KCNB2: variants seen among roughly 807,000 people sequenced by gnomAD.
KCNB2 encodes delayed rectifier potassium channel protein.
KCNB2 carries 15 observed loss-of-function variants against 61.5 expected under a neutral mutation model. The observed-to-expected ratio is 0.24, with a 90% confidence interval of 0.16 to 0.38. KCNB2 has a LOEUF of 0.38. Among genes scored for constraint, KCNB2 ranks in the 10% least tolerant of loss-of-function variants. The pLI, the probability that KCNB2 is intolerant of heterozygous loss-of-function variation, is 1.00. For synonymous variants in KCNB2, 457 were observed against 446.0 expected, an observed-to-expected ratio of 1.02 and a Z score of -0.31; for missense variants, 828 against 1,125.2, an observed-to-expected ratio of 0.74 and a Z score of 3.78.
intron 2 of KCNB2, among the ~76,000 whole-genome samples, chr8:72,632,428 G>A (rs1805896587): frequency 6.6e-6 from 1 of 152,174 alleles, no homozygotes; most frequent in African/African-American, 2.4e-5. Flanking sequence ...GAGTTGCAGA[G>A]TTGCAGAGTT....
chr8:72,543,640 A>T (rs1806221634), intron 1 of KCNB2, among the ~76,000 whole-genome samples: 1 of 152,230 alleles, frequency 6.6e-6, no homozygotes, highest in Non-Finnish European at 1.5e-5. Context: ...GTGTAAAAAC[A>T]TGCTATGAAC....
At chr8:72,711,563 A>G (rs1807327060) in intron 2 of KCNB2, among the ~76,000 whole-genome samples, 1 of 152,184 alleles carries the variant, frequency 6.6e-6, no homozygotes. Context: ...TAGAGAACAT[A>G]ATATTATATT....
intron 2 of KCNB2, among the ~76,000 whole-genome samples, chr8:72,725,539 ATGTG>A (rs1163544582): frequency 0.27 from 10,001 of 37,304 alleles, 973 homozygotes; most frequent in African/African-American, 0.4. Flanking sequence ...ATATATATAT[ATGTG>A]TGTATATATA....
intron 2 of KCNB2, among the ~76,000 whole-genome samples, chr8:72,690,782 C>A (rs1806928034): frequency 6.6e-6 from 1 of 152,118 alleles, no homozygotes; most frequent in Non-Finnish European, 1.5e-5. Flanking sequence ...ATGAGGGAAG[C>A]ATGTAGAACT....
At chr8:72,702,586 C>G (rs1165884001) in intron 2 of KCNB2, among the ~76,000 whole-genome samples, 1 of 152,118 alleles carries the variant, frequency 6.6e-6, no homozygotes, top group Non-Finnish European at 1.5e-5. Flanking sequence ...CTGACCTTAT[C>G]AGACCCAAAC....
intron 2 of KCNB2, among the ~76,000 whole-genome samples, chr8:72,838,211 C>T (rs548736671): frequency 6.6e-6 from 1 of 152,194 alleles, no homozygotes; most frequent in African/African-American, 2.4e-5. Context: ...GTTTGCTGCA[C>T]CCATCAACTC....
At chr8:72,664,243 G>A (rs2962307) in intron 2 of KCNB2, among the ~76,000 whole-genome samples, 17,773 of 152,206 alleles carry the variant, frequency 0.12, 1,575 homozygotes, top group East Asian at 0.51. Context: ...GGTGAGGTCC[G>A]CACTGGTACT....
At chr8:72,722,165 G>A (rs1264031102) in intron 2 of KCNB2, among the ~76,000 whole-genome samples, 1 of 152,088 alleles carries the variant, frequency 6.6e-6, no homozygotes, top group Non-Finnish European at 1.5e-5. Context: ...CATCATCTGT[G>A]CAGGCTATCC....
chr8:72,859,011 G>C (rs1407709507), intron 2 of KCNB2, among the ~76,000 whole-genome samples: 1 of 152,212 alleles, frequency 6.6e-6, no homozygotes, highest in Non-Finnish European at 1.5e-5. Flanking sequence ...CAAATTCTAA[G>C]ATGATTGCTC....
At chr8:72,716,243 A>G (rs375522267) in intron 2 of KCNB2, among the ~76,000 whole-genome samples, 4 of 152,094 alleles carry the variant, frequency 2.6e-5, no homozygotes, top group South Asian at 2.1e-4. Flanking sequence ...ACAAGGAGGA[A>G]CTGGTACCAT....
chr8:72,575,097 G>A (rs566012263), intron 2 of KCNB2, among the ~76,000 whole-genome samples: 1 of 152,112 alleles, frequency 6.6e-6, no homozygotes, highest in South Asian at 2.1e-4. Flanking sequence ...ACCTCATATT[G>A]TTTACTTTTA....
intron 2 of KCNB2, among the ~76,000 whole-genome samples, chr8:72,642,510 A>C (rs1585802286): frequency 6.6e-6 from 1 of 152,080 alleles, no homozygotes; most frequent in African/African-American, 2.4e-5. Context: ...AGTCTAGGAA[A>C]GGGACACAGT....
intron 2 of KCNB2, among the ~76,000 whole-genome samples, chr8:72,819,432 A>C (rs916410675): frequency 2.0e-5 from 3 of 152,186 alleles, no homozygotes; most frequent in African/African-American, 7.2e-5. Context: ...TTACCAAGAC[A>C]CTTGACAAGT....
chr8:72,779,139 C>T (rs930955299), intron 2 of KCNB2, among the ~76,000 whole-genome samples: 1 of 152,184 alleles, frequency 6.6e-6, no homozygotes, highest in African/African-American at 2.4e-5. Flanking sequence ...CTGTCACTTT[C>T]TGAGTAGATG....
chr8:72,921,739 G>C (rs1806524547), intron 2 of KCNB2, among the ~76,000 whole-genome samples: 1 of 152,090 alleles, frequency 6.6e-6, no homozygotes, highest in African/African-American at 2.4e-5. Context: ...CTTGTCCTGG[G>C]CTGCGGTTTA....
At chr8:72,606,306 CT>C (rs1805445904) in intron 2 of KCNB2, among the ~76,000 whole-genome samples, 1 of 152,030 alleles carries the variant, frequency 6.6e-6, no homozygotes, top group African/African-American at 2.4e-5. Flanking sequence ...CCATGGAATT[CT>C]GTACACTTTG....
intron 2 of KCNB2, among the ~76,000 whole-genome samples, chr8:72,910,508 G>A (rs1193361630): frequency 1.3e-5 from 2 of 152,200 alleles, no homozygotes; most frequent in Non-Finnish European, 2.9e-5. Flanking sequence ...AAGTAACCAG[G>A]AAGGTAAGAG....
chr8:72,579,386 T>A (rs907764270), intron 2 of KCNB2, among the ~76,000 whole-genome samples: 4 of 152,212 alleles, frequency 2.6e-5, no homozygotes, highest in African/African-American at 9.6e-5. Flanking sequence ...AGAAGCTAGC[T>A]CACCCTCCAA....
Position 72,848,048 on chromosome 8 carries a change from A to G in KCNB2, c.580-87887A>G, listed in dbSNP as rs76418233. ...TAAAGCTTTCACTTTCTGTTATTTC[A>G]TGTGTGTTTCTTCCTGCATTGCATT... is the stretch of plus-strand genomic sequence containing the variant. On this transcript the variant is annotated intron_variant, in intron 2 of 2. Transcript: ENST00000523207. 7.4e-3 allele frequency among the ~76,000 whole-genome samples: 1,127 copies of G among 152,246 alleles called. 14 individuals carry two copies. The highest frequency in any genetic ancestry group is 0.02 in the African/African-American group (848 of 41,554).
Sources: gnomAD v4.1 joint callset for allele counts (sites outside exome capture counted in the v4.1 genomes callset) on GRCh38, gnomAD v4.1.1 for gene constraint, MANE v1.5 for transcripts, NCBI Gene and HGNC (gene_info 2026-07-23, HGNC 2026-07-21) for gene names.